Variants in LRRC3B observed in about 807,000 individuals in gnomAD.
LRRC3B encodes the protein leucine rich repeat containing 3B.
A neutral mutation model predicts 12.8 loss-of-function variants in LRRC3B; 2 were observed. The ratio of observed to expected loss-of-function variants is 0.16; its 90% CI spans 0.06 to 0.49. LRRC3B has a LOEUF of 0.49. Among genes scored for constraint, LRRC3B ranks in the 20% least tolerant of loss-of-function variants. The pLI is 0.96. For synonymous variants in LRRC3B, 132 were observed against 122.0 expected, an observed-to-expected ratio of 1.08 and a Z score of -0.54; for missense variants, 189 against 319.4, an observed-to-expected ratio of 0.59 and a Z score of 3.11.
At chr3:26,680,414 G>A (rs540776786) in intron 1 of LRRC3B, among the ~76,000 whole-genome samples, 42 of 152,246 alleles carry the variant, frequency 2.8e-4, no homozygotes, top group African/African-American at 8.9e-4. Flanking sequence ...GTAAAAGAAC[G>A]TTCTTACAGG....
intron 1 of LRRC3B, among the ~76,000 whole-genome samples, chr3:26,644,425 T>C (rs1699099623): frequency 6.6e-6 from 1 of 152,186 alleles, no homozygotes; most frequent in Non-Finnish European, 1.5e-5. Context: ...ATATTGGTCA[T>C]ACCTGGTACT....
At chr3:26,654,886 G>A (rs1051689052) in intron 1 of LRRC3B, among the ~76,000 whole-genome samples, 1 of 152,114 alleles carries the variant, frequency 6.6e-6, no homozygotes, top group African/African-American at 2.4e-5. Context: ...TCATATTAGT[G>A]GGCTGTTGTT....
chr3:26,662,800 G>A (rs529876203), intron 1 of LRRC3B, among the ~76,000 whole-genome samples: 21 of 152,244 alleles, frequency 1.4e-4, no homozygotes, highest in Non-Finnish European at 2.6e-4. Flanking sequence ...TCTCGGGTTA[G>A]TGGTGGGATG....
chr3:26,688,263 A>G (rs1700125129), intron 1 of LRRC3B, among the ~76,000 whole-genome samples: 1 of 152,226 alleles, frequency 6.6e-6, no homozygotes, highest in African/African-American at 2.4e-5. Flanking sequence ...CTTACAGAGA[A>G]GAGCAGGCAC....
intron 1 of LRRC3B, among the ~76,000 whole-genome samples, chr3:26,638,504 ACTT>A (rs1698951600): frequency 6.6e-6 from 1 of 152,184 alleles, no homozygotes; most frequent in Non-Finnish European, 1.5e-5. Context: ...CAAGTTATAA[ACTT>A]CTGTCTCAAA....
At chr3:26,639,718 A>C (rs944331151) in intron 1 of LRRC3B, among the ~76,000 whole-genome samples, 1 of 152,128 alleles carries the variant, frequency 6.6e-6, no homozygotes, top group Non-Finnish European at 1.5e-5. Context: ...CTTTAAACTC[A>C]CTGGAAATGT....
At chr3:26,709,392 A>G (rs2125468266) in intron 1 of LRRC3B, 121 bp from the exon 2 acceptor site, 1 of 437,200 alleles carries the variant, frequency 2.3e-6, no homozygotes, top group East Asian at 3.9e-5. Context: ...GCATTGATGG[A>G]AATTACCTGC....
chr3:26,695,692 G>A (rs1700298834), intron 1 of LRRC3B, among the ~76,000 whole-genome samples: 1 of 152,156 alleles, frequency 6.6e-6, no homozygotes, highest in Non-Finnish European at 1.5e-5. Context: ...AAACATAGTG[G>A]ACCATTTCTA....
At chr3:26,655,942 T>C (rs1699363731) in intron 1 of LRRC3B, among the ~76,000 whole-genome samples, 1 of 152,174 alleles carries the variant, frequency 6.6e-6, no homozygotes, top group South Asian at 2.1e-4. Context: ...ACTAAAGGAC[T>C]AGTCAAAATG....
At chr3:26,671,076 C>T (rs1488866183) in intron 1 of LRRC3B, among the ~76,000 whole-genome samples, 5 of 120,332 alleles carry the variant, frequency 4.2e-5, no homozygotes, top group African/African-American at 6.7e-5. Context: ...AGTGCAGTGG[C>T]GGGATCTCGG....
intron 1 of LRRC3B, among the ~76,000 whole-genome samples, chr3:26,684,119 T>C (rs1265327678): frequency 1.3e-5 from 2 of 152,248 alleles, no homozygotes; most frequent in African/African-American, 2.4e-5. Context: ...GAACAATTCC[T>C]TGGAATCTTT....
chr3:26,631,221 T>G (rs1017118808), intron 1 of LRRC3B, among the ~76,000 whole-genome samples: 1 of 152,170 alleles, frequency 6.6e-6, no homozygotes, highest in Non-Finnish European at 1.5e-5. Context: ...TTCGCTTGTG[T>G]TTTAGCTCCC....
At chr3:26,666,494 C>G (rs1484361960) in intron 1 of LRRC3B, among the ~76,000 whole-genome samples, 3 of 151,990 alleles carry the variant, frequency 2.0e-5, no homozygotes, top group African/African-American at 7.2e-5. Context: ...GGGCTTTGTA[C>G]CTATTATCTC....
chr3:26,651,954 T>G (rs1699273796), intron 1 of LRRC3B, among the ~76,000 whole-genome samples: 1 of 152,144 alleles, frequency 6.6e-6, no homozygotes, highest in African/African-American at 2.4e-5. Context: ...ACATCATATC[T>G]CATTGGAACT....
intron 1 of LRRC3B, among the ~76,000 whole-genome samples, chr3:26,695,583 G>T (rs1158977353): frequency 1.3e-5 from 2 of 152,086 alleles, no homozygotes; most frequent in Non-Finnish European, 2.9e-5. Flanking sequence ...GTAACAGACA[G>T]TTTGAAAAAA....
intron 1 of LRRC3B, chr3:26,694,853 G>C (rs1010058732): frequency 2.6e-5 from 4 of 152,084 alleles, no homozygotes; most frequent in African/African-American, 9.7e-5. Flanking sequence ...ATGCCTCCTG[G>C]CCAATCTCTT....
chr3:26,660,827 A>T (rs78957344), intron 1 of LRRC3B, among the ~76,000 whole-genome samples: 4,781 of 152,278 alleles, frequency 0.031, 120 homozygotes, highest in South Asian at 0.048. Context: ...TGATTGAGTT[A>T]CCTATTTTGC....
intron 1 of LRRC3B, among the ~76,000 whole-genome samples, chr3:26,684,077 AAGTTGTTATTC>A (rs1700024873): frequency 6.6e-6 from 1 of 152,202 alleles, no homozygotes; most frequent in African/African-American, 2.4e-5. Flanking sequence ...TGATTTGCTC[AAGTTGTTATTC>A]AGTCAGGATC....
intron 1 of LRRC3B, among the ~76,000 whole-genome samples, chr3:26,699,317 T>C (rs909187818): frequency 2.0e-5 from 3 of 152,170 alleles, no homozygotes; most frequent in Non-Finnish European, 2.9e-5. Flanking sequence ...TTGACAGTTT[T>C]TGAAGCACAT....
Sources: gnomAD v4.1 joint callset for allele counts (sites outside exome capture counted in the v4.1 genomes callset) on GRCh38, gnomAD v4.1.1 for gene constraint, MANE v1.5 for transcripts, NCBI Gene and HGNC (gene_info 2026-07-23, HGNC 2026-07-21) for gene names.